The following PPP1R12C variants were observed in gnomAD, a reference collection of about 807,000 sequenced individuals.
PPP1R12C encodes the protein protein phosphatase 1 regulatory subunit 12C.
PPP1R12C carries 48 observed loss-of-function variants against 95.6 expected under a neutral mutation model. That is an observed-to-expected ratio of 0.50 (90% confidence interval 0.40 to 0.64). The LOEUF is 0.64. PPP1R12C is among the 30% of genes least tolerant of loss of function. The probability of loss-of-function intolerance (pLI) is 0.00; values close to 1 mark genes in which losing one functional copy is unlikely to be tolerated. For synonymous variants in PPP1R12C, 480 were observed against 460.8 expected (o/e 1.04, Z -0.53); for missense variants, 1,057 against 1,083.3 (o/e 0.98, Z 0.34).
chr19:55,112,663 A>C lies in PPP1R12C; in HGVS notation c.452+2T>G. The C allele has an allele frequency of 6.2e-7, 1 of 1,613,524 alleles. No individual in the cohort carries two copies. Among genetic ancestry groups the C allele is most frequent in the Non-Finnish European group, 8.5e-7 (1 of 1,179,842 alleles). On this transcript the variant is annotated splice_donor_variant, in intron 2 of 21. Coordinates refer to ENST00000263433, the MANE Select transcript of PPP1R12C (RefSeq NM_017607.4). LOFTEE classifies it high-confidence loss of function. ...GTCCTGCCCGGCCCTCCCTTGCCTC[A>C]CCTGGCGATATCTAGGTAGCCACAG...
Position 55,096,702 on chromosome 19 carries a change from G to C in PPP1R12C, c.952-367C>G, listed in dbSNP as rs1451095933. On this transcript the variant is annotated intron_variant, in intron 6 of 21. Transcript: ENST00000263433. ...CTCAGCTGCCCCGGCTCCTGCAGCC[G>C]GCACTCGCCTCCTCCTTCCCCGCGC... 7.7e-6 allele frequency: 3 copies of C among 389,894 alleles called. No individual in the cohort carries two copies. The East Asian group carries it at 1.8e-4, about 24-fold the overall frequency. 24.2% of individuals were successfully genotyped at this position (389,894 alleles called of 1,614,324 possible).
rs759350705 is a variant in PPP1R12C at position 55,095,920 on chromosome 19, T to C, written c.1174A>G (p.Arg392Gly). ...GPTEPPPAEP[R>G]TLNGVSSPPH... ...GGGGAGGAGACGCCATTGAGGGTTC[T>C]GGGTTCTGCAGGGGGTGGTTCTGTG... Residue 392 changes from arginine (R) to glycine (G), a missense_variant, in exon 9 of 22, where the codon AGA becomes GGA. By Grantham distance (125) the Arg-to-Gly change is moderately radical. Transcript: ENST00000263433. The C allele has an allele frequency of 1.2e-6, 2 of 1,613,236 alleles. No homozygotes were observed. Among genetic ancestry groups the C allele is most frequent in the African/African-American group, 2.7e-5 (2 of 74,912 alleles).
chr19:55,091,370 T>G lies in PPP1R12C; in HGVS notation c.*102A>C. ...GGTCCCAGGGGGGCTATGGCTTCTC[T>G]GAGACTTCCCCCGGAGCCCTGTCAC... On this transcript the variant is annotated 3_prime_UTR_variant, in exon 22 of 22. Transcript: ENST00000263433. The G allele has an allele frequency of 7.9e-7, 1 of 1,258,992 alleles. No individual in the cohort carries two copies. The highest frequency in any genetic ancestry group is 2.0e-5 in the Admixed American group (1 of 48,984). 78.0% of individuals were successfully genotyped at this position (1,258,992 alleles called of 1,614,324 possible). A position where few individuals can be genotyped will look rare whatever the true frequency, so the allele number is the denominator to read the frequency against.
chr19:55,117,430 G>A lies in PPP1R12C; in HGVS notation c.114C>T (p.Gly38=), dbSNP rs867581031. 4.8e-4 allele frequency: 476 copies of A among 1,000,608 alleles called. 2 individuals carry two copies. The Middle Eastern group carries it at 9.1e-3, about 19-fold the overall frequency. The allele number at this position is 1,000,608 out of a possible 1,614,324, so 62.0% of individuals were successfully genotyped here. ...CGGTGCGGGCGCGGCGCTCTCCGGG[G>A]CCAGGCTCGGCGCCCGCCCGCGCCC... ...QWGARAGAEP[G]PGERRARTVR... is the part of the protein sequence containing the mutation. Residue 38 remains glycine (G), a synonymous_variant, in exon 1 of 22, where the codon GGC becomes GGT. Transcript: ENST00000263433.
In PPP1R12C at chr19:55,091,542, C is replaced by A. The variant is rs200677433; in HGVS notation, c.2279G>T (p.Arg760Leu). Residue 760 changes from arginine (R) to leucine (L), a missense_variant, in exon 22 of 22, where the codon CGC becomes CTC. Transcript: ENST00000263433. Reference protein sequence around the residue: ...EEELKALSDLRADNQRLKDEN... With the variant: ...EEELKALSDLLADNQRLKDEN... The stretch of plus-strand genomic sequence containing the variant: ...ATCCTTGAGGCGCTGGTTGTCAGCG[C>A]GGAGGTCAGACAGGGCCTGGGGGAC... 12 of 1,613,694 alleles carry A rather than the reference C, an allele frequency of 7.4e-6. No homozygotes were observed. The highest frequency in any genetic ancestry group is 8.5e-6 in the Non-Finnish European group (10 of 1,179,966).
intron 4 of PPP1R12C, among the ~76,000 whole-genome samples, chr19:55,103,111 T>A (rs960493442): frequency 3.9e-5 from 6 of 152,194 alleles, no homozygotes; most frequent in African/African-American, 1.4e-4. Context: ...GAGGATCACC[T>A]GAGCCTGGGG....
chr19:55,113,730 T>G, intron 1 of PPP1R12C: 1 of 572,450 alleles, frequency 1.7e-6, no homozygotes, highest in African/African-American at 1.9e-5. Flanking sequence ...GAGCATGAGG[T>G]CATGGAAACT....
intron 6 of PPP1R12C, among the ~76,000 whole-genome samples, chr19:55,097,768 C>T (rs893489351): frequency 1.3e-5 from 2 of 152,228 alleles, no homozygotes; most frequent in Admixed American, 6.5e-5. Flanking sequence ...GTAGTACTCA[C>T]GTCTTCCAGA....
At chr19:55,100,372 G>A (rs926412978) in intron 4 of PPP1R12C, among the ~76,000 whole-genome samples, 2 of 152,232 alleles carry the variant, frequency 1.3e-5, no homozygotes, top group African/African-American at 4.8e-5. Context: ...GGAGGCCAGG[G>A]AGGCTGCCCC....
At chr19:55,107,617 G>A (rs571619188) in intron 3 of PPP1R12C, among the ~76,000 whole-genome samples, 1 of 149,428 alleles carries the variant, frequency 6.7e-6, no homozygotes, top group African/African-American at 2.5e-5. Flanking sequence ...ACCAAACACT[G>A]CATGTTGTCA....
Position 55,093,165 on chromosome 19 carries a change from C to T in PPP1R12C, c.1752G>A (p.Pro584=), listed in dbSNP as rs751623499. 2.5e-5 allele frequency: 40 copies of T among 1,613,738 alleles called. No homozygotes were observed. In the South Asian group the frequency reaches 3.5e-4, roughly 14 times the overall value. Residue 584 remains proline, a synonymous_variant, in exon 14 of 22, where the codon CCG becomes CCA. Coordinates refer to ENST00000263433, the MANE Select transcript of PPP1R12C (RefSeq NM_017607.4). Reference sequence around the variant, plus strand: ...TGACCCCTCTCACCAGGCTCTGCGCCGGCTTCTCTGACTCTGGGGCCTTCC... The same window carrying T: ...TGACCCCTCTCACCAGGCTCTGCGCTGGCTTCTCTGACTCTGGGGCCTTCC... ...AAGKAPESEK[P]AQSLDPSRRP... is the part of the protein sequence containing the mutation.
chr19:55,102,158 C>A (rs1002780867), intron 4 of PPP1R12C, among the ~76,000 whole-genome samples: 1 of 152,174 alleles, frequency 6.6e-6, no homozygotes, highest in Non-Finnish European at 1.5e-5. Flanking sequence ...CAAATAGGAA[C>A]AAAATCTAAG....
intron 1 of PPP1R12C, chr19:55,113,046 C>T (rs969457632): frequency 2.2e-5 from 13 of 578,316 alleles, no homozygotes; most frequent in South Asian, 9.0e-5. Context: ...AGGAAGTGAA[C>T]GGGGAAGGGA....
chr19:55,105,224 C>G (rs1170130385), intron 3 of PPP1R12C, among the ~76,000 whole-genome samples: 1 of 152,130 alleles, frequency 6.6e-6, no homozygotes, highest in African/African-American at 2.4e-5. Context: ...CTGGCTGTGT[C>G]ATTTCTTTAA....
chr19:55,103,466 C>A lies in PPP1R12C; in HGVS notation c.674G>T (p.Arg225Leu). 2 of 1,597,282 alleles carry A rather than the reference C, an allele frequency of 1.3e-6. No individual in the cohort carries two copies. Among genetic ancestry groups the A allele is most frequent in the Admixed American group, 3.4e-5 (2 of 59,136 alleles). The change falls in exon 4 of 22, where the codon CGC becomes CTC. Residue 225 changes from arginine to leucine, a missense_variant. Transcript: ENST00000263433. The stretch of plus-strand genomic sequence containing the variant: ...CACGTGCAGGGCAGAGGCGCCTGTG[C>A]GGGGGTGCCGGGCCTCTGGCATGGC... ...GGAMPEARHP[R>L]TGASALHVAA...
intron 3 of PPP1R12C, among the ~76,000 whole-genome samples, chr19:55,106,659 C>T (rs6509923): frequency 0.079 from 12,002 of 152,200 alleles, 1,531 homozygotes; most frequent in African/African-American, 0.27. Flanking sequence ...CCCTTCTGCA[C>T]AGGACATGGT....
chr19:55,104,899 G>GTAGCTGGGAT (rs2085021127), intron 3 of PPP1R12C, among the ~76,000 whole-genome samples: 1 of 151,358 alleles, frequency 6.6e-6, no homozygotes, highest in African/African-American at 2.4e-5. Context: ...AGCTTCTTGA[G>GTAGCTGGGAT]TAGCTGGGAT....
intron 6 of PPP1R12C, among the ~76,000 whole-genome samples, chr19:55,098,006 C>T (rs2603698): frequency 0.44 from 66,677 of 152,024 alleles, 15,246 homozygotes; most frequent in Admixed American, 0.5. Flanking sequence ...AGATCTTCTC[C>T]TACATCCATC....
chr19:55,117,535 T>G lies in PPP1R12C; in HGVS notation c.9A>C (p.Gly3=). 9.9e-7 allele frequency: 1 copy of G among 1,005,564 alleles called. No homozygotes were observed. The highest frequency in any genetic ancestry group is 1.2e-6 in the Non-Finnish European group (1 of 846,450). The allele number at this position is 1,005,564 out of a possible 1,614,324, so 62.3% of individuals were successfully genotyped here. MS[G]EDGPAAGPGA... ...CCGGGCCAGCCGCCGGGCCATCCTC[T>G]CCGGACATCGCACCGCCCGCCCGCC... is the stretch of plus-strand genomic sequence containing the variant. Residue 3 remains glycine (G), a synonymous_variant, in exon 1 of 22, where the codon GGA becomes GGC. Coordinates refer to ENST00000263433, the MANE Select transcript of PPP1R12C (RefSeq NM_017607.4).
Sources: gnomAD v4.1 joint callset for allele counts (sites outside exome capture counted in the v4.1 genomes callset) on GRCh38, gnomAD v4.1.1 for gene constraint, MANE v1.5 for transcripts, NCBI Gene and HGNC (gene_info 2026-07-23, HGNC 2026-07-21) for gene names.